PLCXD3: variants seen among roughly 807,000 people sequenced by gnomAD.
PLCXD3 encodes the protein PI-PLC X domain-containing protein 3.
A neutral mutation model predicts 25.5 loss-of-function variants in PLCXD3; 19 were observed. The observed-to-expected ratio is 0.75, with a 90% CI of 0.52 to 1.09. The LOEUF is 1.09. PLCXD3 is among the 50% of genes least tolerant of loss of function. The pLI is 0.00. For missense variants in PLCXD3, 411 were observed against 388.1 expected (o/e 1.06, Z -0.50); for synonymous variants, 174 against 137.6 (o/e 1.26, Z -1.85).
chr5:41,362,833 G>A (rs939037268), intron 2 of PLCXD3, among the ~76,000 whole-genome samples: 1 of 151,808 alleles, frequency 6.6e-6, no homozygotes, highest in African/African-American at 2.4e-5. Flanking sequence ...TTGGTTTAGG[G>A]TCATTCTTTA....
At chr5:41,331,714 A>C (rs968714117) in intron 2 of PLCXD3, among the ~76,000 whole-genome samples, 17 of 152,208 alleles carry the variant, frequency 1.1e-4, no homozygotes, top group Non-Finnish European at 2.5e-4. Flanking sequence ...TACAGTAACC[A>C]AAACAGCATG....
chr5:41,445,838 G>T (rs759346003), intron 1 of PLCXD3, among the ~76,000 whole-genome samples: 1 of 152,002 alleles, frequency 6.6e-6, no homozygotes, highest in Non-Finnish European at 1.5e-5. Context: ...AAATAATCAT[G>T]ATAAGTAATT....
At position 41,459,162 on chromosome 5, in the gene PLCXD3, C is replaced by A. The variant is rs1333188164; in HGVS notation, c.103+51262G>T. On this transcript the variant is annotated intron_variant, in intron 1 of 2. Coordinates refer to ENST00000377801, the MANE Select transcript of PLCXD3 (RefSeq NM_001005473.3). Reference sequence around the variant, plus strand: ...CCCTTCTCTTTCTGAGTGTCTTCATCTACATTTAAGGTTTGAGAAGACAAA... The same window carrying A: ...CCCTTCTCTTTCTGAGTGTCTTCATATACATTTAAGGTTTGAGAAGACAAA... Among the ~76,000 whole-genome samples, 3 of 151,938 alleles carry A rather than the reference C, an allele frequency of 2.0e-5. No homozygotes were observed. The East Asian group carries it at 5.8e-4, about 30-fold the overall frequency.
chr5:41,392,527 T>C (rs1281422064), intron 1 of PLCXD3, among the ~76,000 whole-genome samples: 1 of 152,200 alleles, frequency 6.6e-6, no homozygotes, highest in Non-Finnish European at 1.5e-5. Context: ...CTAAAGCAGA[T>C]ACCACTTAGA....
intron 1 of PLCXD3, among the ~76,000 whole-genome samples, chr5:41,508,208 A>G (rs568602370): frequency 6.6e-6 from 1 of 152,310 alleles, no homozygotes; most frequent in South Asian, 2.1e-4. Flanking sequence ...CATCATCTTT[A>G]TGTCTGTACT....
chr5:41,431,576 C>G (rs1246131900), intron 1 of PLCXD3, among the ~76,000 whole-genome samples: 2 of 152,158 alleles, frequency 1.3e-5, no homozygotes, highest in Non-Finnish European at 2.9e-5. Context: ...CTAGATATTA[C>G]ATTATATAGC....
chr5:41,463,717 G>A (rs559344641), intron 1 of PLCXD3, among the ~76,000 whole-genome samples: 46 of 152,052 alleles, frequency 3.0e-4, no homozygotes, highest in Non-Finnish European at 5.4e-4. Flanking sequence ...ATAAGGGCTA[G>A]GAGTTCTCAC....
chr5:41,451,783 G>A (rs1039362025), intron 1 of PLCXD3, among the ~76,000 whole-genome samples: 2 of 151,806 alleles, frequency 1.3e-5, no homozygotes, highest in African/African-American at 4.8e-5. Context: ...CTTCACATTT[G>A]TCACTTTTTT....
chr5:41,337,063 A>G (rs1580308922), intron 2 of PLCXD3, among the ~76,000 whole-genome samples: 1 of 152,154 alleles, frequency 6.6e-6, no homozygotes, highest in South Asian at 2.1e-4. Flanking sequence ...AATTACAACT[A>G]CATTTTCATT....
At chr5:41,396,520 C>T (rs10053633) in intron 1 of PLCXD3, among the ~76,000 whole-genome samples, 86,376 of 151,898 alleles carry the variant, frequency 0.57, 25,084 homozygotes, top group South Asian at 0.71. Context: ...TGAGAATGGA[C>T]TAATACAGAA....
chr5:41,502,942 G>A (rs1282980063), intron 1 of PLCXD3, among the ~76,000 whole-genome samples: 1 of 152,186 alleles, frequency 6.6e-6, no homozygotes, highest in African/African-American at 2.4e-5. Flanking sequence ...TTCTTCTCTA[G>A]CAGCATTCAT....
At chr5:41,378,683 G>C (rs1745367026) in intron 2 of PLCXD3, among the ~76,000 whole-genome samples, 1 of 151,998 alleles carries the variant, frequency 6.6e-6, no homozygotes, top group Non-Finnish European at 1.5e-5. Context: ...AATTTAAATA[G>C]GATTCATCAC....
chr5:41,350,394 T>C (rs1407960219), intron 2 of PLCXD3, among the ~76,000 whole-genome samples: 1 of 152,188 alleles, frequency 6.6e-6, no homozygotes, highest in Non-Finnish European at 1.5e-5. Context: ...CTCCATTCTT[T>C]TTCCTTTTTC....
At chr5:41,427,426 A>T (rs1372165272) in intron 1 of PLCXD3, among the ~76,000 whole-genome samples, 3 of 152,128 alleles carry the variant, frequency 2.0e-5, no homozygotes, top group Admixed American at 6.6e-5. Flanking sequence ...AGTTTCAAAA[A>T]ATATTTTTAG....
chr5:41,467,992 A>C (rs1298169791), intron 1 of PLCXD3, among the ~76,000 whole-genome samples: 2 of 134,606 alleles, frequency 1.5e-5, no homozygotes, highest in Non-Finnish European at 3.1e-5. Context: ...CAGGAGTGTG[A>C]TACTACCAGC....
chr5:41,491,933 C>T (rs1054286785), intron 1 of PLCXD3, among the ~76,000 whole-genome samples: 9 of 152,152 alleles, frequency 5.9e-5, no homozygotes, highest in African/African-American at 2.2e-4. Flanking sequence ...AGTCCATTTA[C>T]ATTTAAAGTT....
intron 2 of PLCXD3, among the ~76,000 whole-genome samples, chr5:41,327,168 C>T (rs763362561): frequency 6.6e-6 from 1 of 152,078 alleles, no homozygotes; most frequent in Non-Finnish European, 1.5e-5. Flanking sequence ...GAAAAGGGAA[C>T]AGCACATGCA....
At chr5:41,466,139 T>A (rs1408193999) in intron 1 of PLCXD3, among the ~76,000 whole-genome samples, 1 of 152,098 alleles carries the variant, frequency 6.6e-6, no homozygotes, top group Non-Finnish European at 1.5e-5. Context: ...AGATTAAAAA[T>A]TTTATTTAAT....
At chr5:41,473,995 A>G (rs1421226559) in intron 1 of PLCXD3, among the ~76,000 whole-genome samples, 2 of 152,180 alleles carry the variant, frequency 1.3e-5, no homozygotes, top group African/African-American at 4.8e-5. Flanking sequence ...TGGGACAGTC[A>G]CTACAACAGT....
Sources: allele counts gnomAD v4.1 joint callset (sites outside exome capture counted in the v4.1 genomes callset), GRCh38; gene constraint gnomAD v4.1.1; transcripts MANE v1.5; gene names NCBI Gene and HGNC (gene_info 2026-07-23, HGNC 2026-07-21).